DNAH5: variants seen among roughly 807,000 people sequenced by gnomAD.
The protein encoded by DNAH5 is axonemal beta dynein heavy chain 5.
DNAH5 carries 372 observed loss-of-function variants against 518.2 expected under a neutral mutation model. The observed-to-expected ratio is 0.72, with a 90% CI of 0.66 to 0.78. DNAH5 has a LOEUF of 0.78. Among genes scored for constraint, DNAH5 ranks in the 30% least tolerant of loss-of-function variants. The pLI is 0.00. For synonymous variants in DNAH5, 2,039 were observed against 2,025.9 expected, an observed-to-expected ratio of 1.01 and a Z score of -0.17; for missense variants, 5,523 against 5,687.0, an observed-to-expected ratio of 0.97 and a Z score of 0.93.
In DNAH5 at chr5:13,891,082, A is replaced by G. The variant is rs147108941; in HGVS notation, c.2471T>C (p.Ile824Thr). 5.0e-5 allele frequency: 80 copies of G among 1,614,034 alleles called. No individual in the cohort carries two copies. Among genetic ancestry groups the G allele is most frequent in the Non-Finnish European group, 6.3e-5 (74 of 1,180,016 alleles). ...ELLLDRVNDL[I>T]EFRIDAILEE... ...TAGAATGGCATCAATGCGGAACTCA[A>G]TCAAATCATTGACCCTGTCAAGCAG... Residue 824 changes from isoleucine to threonine, a missense_variant, in exon 17 of 79, where the codon ATT (isoleucine) becomes ACT (threonine). By Grantham distance (89) the Ile-to-Thr change is moderately conservative (BLOSUM62 -1). Transcript: ENST00000265104.
intron 49 of DNAH5, among the ~76,000 whole-genome samples, chr5:13,792,806 C>T (rs1298639668): frequency 3.3e-5 from 5 of 152,190 alleles, no homozygotes; most frequent in Non-Finnish European, 7.3e-5. Flanking sequence ...ATGACATTTT[C>T]GTTTGCCAGA....
chr5:13,934,998 A>G (rs541854612), intron 1 of DNAH5, among the ~76,000 whole-genome samples: 2 of 152,354 alleles, frequency 1.3e-5, no homozygotes, highest in African/African-American at 4.8e-5. Flanking sequence ...TCTCTAAGTG[A>G]TCACTCTAAG....
chr5:14,003,877 A>G (rs1315032380), intron 1 of DNAH5, among the ~76,000 whole-genome samples: 6 of 151,866 alleles, frequency 4.0e-5, no homozygotes, highest in Admixed American at 1.3e-4. Flanking sequence ...GCTGTCTGAG[A>G]TTACACAAAG....
chr5:13,821,396 T>C (rs1279855391), intron 40 of DNAH5, among the ~76,000 whole-genome samples: 2 of 139,296 alleles, frequency 1.4e-5, no homozygotes, highest in Middle Eastern at 3.4e-3. Flanking sequence ...TCAAGGCATG[T>C]ATGGAAGTTA....
intron 1 of DNAH5, among the ~76,000 whole-genome samples, chr5:13,972,827 T>C (rs1781972968): frequency 6.6e-6 from 1 of 152,188 alleles, no homozygotes; most frequent in Non-Finnish European, 1.5e-5. Context: ...TCCATTCGAG[T>C]GGGAGCTGCA....
At chr5:13,886,839 C>T (rs929930509) in intron 17 of DNAH5, among the ~76,000 whole-genome samples, 1 of 152,148 alleles carries the variant, frequency 6.6e-6, no homozygotes, top group African/African-American at 2.4e-5. Context: ...TCTCAATTCC[C>T]TCATATGTAT....
chr5:13,927,466 G>A (rs1778006036), intron 3 of DNAH5, among the ~76,000 whole-genome samples: 1 of 152,054 alleles, frequency 6.6e-6, no homozygotes, highest in Admixed American at 6.5e-5. Context: ...CCAAGATTGT[G>A]CCACTGCACT....
At chr5:13,719,371 A>T (rs1344468306) in intron 71 of DNAH5, among the ~76,000 whole-genome samples, 1 of 152,194 alleles carries the variant, frequency 6.6e-6, no homozygotes, top group Non-Finnish European at 1.5e-5. Context: ...TTAAACATAA[A>T]AGGACTTCCA....
intron 35 of DNAH5, among the ~76,000 whole-genome samples, chr5:13,836,646 G>A (rs1042052398): frequency 6.6e-5 from 10 of 152,174 alleles, no homozygotes; most frequent in Admixed American, 6.5e-5. Context: ...AGAGTGATGC[G>A]GAAAGTATGA....
At chr5:13,772,303 C>G (rs1277618916) in intron 55 of DNAH5, among the ~76,000 whole-genome samples, 1 of 152,194 alleles carries the variant, frequency 6.6e-6, no homozygotes, top group African/African-American at 2.4e-5. Flanking sequence ...TTTCTTTCTT[C>G]TTATCTGAAC....
chr5:13,900,193 A>C lies in DNAH5; in HGVS notation c.2259+13T>G. 3.1e-6 allele frequency: 5 copies of C among 1,604,864 alleles called. No homozygotes were observed. The highest frequency in any genetic ancestry group is 4.3e-6 in the Non-Finnish European group (5 of 1,171,666). ...CTAGCCAAGAATGGGGGGAAAAAAT[A>C]AAAGTAGTATACCTTCATGTTACTG... On this transcript the variant is annotated intron_variant, in intron 15 of 78. Transcript: ENST00000265104.
intron 6 of DNAH5, among the ~76,000 whole-genome samples, chr5:13,919,916 A>G (rs539062852): frequency 2.0e-5 from 3 of 152,346 alleles, no homozygotes; most frequent in Middle Eastern, 3.4e-3. Flanking sequence ...CGGTCACCCA[A>G]TCTGCAATCA....
Position 13,752,069 on chromosome 5 carries a change from T to C in DNAH5, c.11028+65A>G, listed in dbSNP as rs1750310147. ...TGTTGCCTATTGAGAGAATTCTATC[T>C]GTGTCACATTGACCTGGCCTCATGG... On this transcript the variant is annotated intron_variant, in intron 64 of 78. Coordinates refer to ENST00000265104, the MANE Select transcript of DNAH5 (RefSeq NM_001369.3). 1.9e-6 allele frequency: 3 copies of C among 1,541,166 alleles called. No individual in the cohort carries two copies. The Admixed American group carries it at 5.0e-5, about 26-fold the overall frequency.
chr5:13,976,689 GTATATATA>G (rs1216182959), intron 1 of DNAH5, among the ~76,000 whole-genome samples: 35 of 138,020 alleles, frequency 2.5e-4, no homozygotes, highest in African/African-American at 8.0e-4. Flanking sequence ...GTGTGTGTGT[GTATATATA>G]TATATATATA....
rs527914224 is a variant in DNAH5 at position 13,792,169 on chromosome 5, T to G, written c.8273A>C (p.Glu2758Ala). The G allele has an allele frequency of 5.2e-5, 84 of 1,613,982 alleles. No homozygotes were observed. The highest frequency in any genetic ancestry group is 6.9e-5 in the Non-Finnish European group (81 of 1,179,944). The change falls in exon 50 of 79, where the codon GAA becomes GCA. Residue 2758 changes from glutamate (E) to alanine (A), a missense_variant. Glu to Ala is a moderately radical substitution (Grantham distance 107, BLOSUM62 -1). Transcript: ENST00000265104. The part of the protein sequence containing the change: ...HYCTQRGFSE[E>A]VRDSVTKLVP... ...CAATTTTGTCACAGAATCTCTCACTTCTTCTGAGAAACCCCTCTGAGTACA... is the reference window on the plus strand; with the variant it reads ...CAATTTTGTCACAGAATCTCTCACTGCTTCTGAGAAACCCCTCTGAGTACA...
Position 13,841,740 on chromosome 5 carries a change from T to C in DNAH5, c.5436A>G (p.Gln1812=), listed in dbSNP as rs746150570. Residue 1812 remains glutamine, a synonymous_variant, in exon 33 of 79, where the codon CAA becomes CAG. Transcript: ENST00000265104. ...ATTCAGTTAGTTGGAAACCTGTTTC[T>C]TGAATATTTGCGGCTGCCTGGCGAA... The part of the protein sequence containing the change: ...LVIRQAAANI[Q]ETGFQLTEFL... 1.9e-6 allele frequency: 3 copies of C among 1,614,074 alleles called. No individual in the cohort carries two copies. The Admixed American group carries it at 5.0e-5, about 27-fold the overall frequency.
chr5:13,748,321 A>G (rs1200563421), intron 65 of DNAH5, among the ~76,000 whole-genome samples: 1 of 152,180 alleles, frequency 6.6e-6, no homozygotes, highest in East Asian at 1.9e-4. Flanking sequence ...TGATGCCTCC[A>G]GCTTTGTTCT....
At chr5:13,875,465 CAAA>C (rs70964513) in intron 22 of DNAH5, among the ~76,000 whole-genome samples, 35 of 105,994 alleles carry the variant, frequency 3.3e-4, no homozygotes, top group Middle Eastern at 5.5e-3. Context: ...GAAACTCCTT[CAAA>C]AAAAAAAAAA....
intron 1 of DNAH5, among the ~76,000 whole-genome samples, chr5:13,942,839 C>T (rs891990651): frequency 6.6e-6 from 1 of 152,160 alleles, no homozygotes; most frequent in Non-Finnish European, 1.5e-5. Context: ...CCATCACTCC[C>T]CAGATAGGTC....
Sources: gnomAD v4.1 joint callset for allele counts (sites outside exome capture counted in the v4.1 genomes callset) on GRCh38, gnomAD v4.1.1 for gene constraint, MANE v1.5 for transcripts, NCBI Gene and HGNC (gene_info 2026-07-23, HGNC 2026-07-21) for gene names.